The following PTPRM variants were observed in gnomAD, a reference collection of about 807,000 sequenced individuals.
PTPRM encodes the protein protein tyrosine phosphatase receptor type M, also known as receptor-type tyrosine-protein phosphatase mu.
In PTPRM, 47 loss-of-function variants were observed where a neutral mutation model predicts 186.7. The ratio of observed to expected loss-of-function variants is 0.25; its 90% CI spans 0.20 to 0.32. The LOEUF (loss-of-function observed/expected upper bound fraction) is 0.32. PTPRM is among the 10% of genes least tolerant of loss of function. PTPRM has a pLI of 1.00. For missense variants in PTPRM, 1,494 were observed against 1,865.0 expected, an observed-to-expected ratio of 0.80 and a Z score of 3.66; for synonymous variants, 668 against 674.9, an observed-to-expected ratio of 0.99 and a Z score of 0.16.
chr18:7,704,876 A>G (rs1195783014), intron 1 of PTPRM, among the ~76,000 whole-genome samples: 1 of 152,180 alleles, frequency 6.6e-6, no homozygotes, highest in East Asian at 1.9e-4. Flanking sequence ...ACATAGAACA[A>G]CTTCACACTT....
intron 1 of PTPRM, among the ~76,000 whole-genome samples, chr18:7,705,334 TCTAG>T (rs1280387242): frequency 1.8e-4 from 27 of 151,234 alleles, no homozygotes; most frequent in Non-Finnish European, 3.0e-4. Flanking sequence ...TATCTGTCTA[TCTAG>T]CTAGCTAGCT....
chr18:8,112,458 G>T (rs2091798144), intron 11 of PTPRM, among the ~76,000 whole-genome samples: 1 of 152,156 alleles, frequency 6.6e-6, no homozygotes, highest in South Asian at 2.1e-4. Context: ...CTTGTACTGG[G>T]CAGCTCTTGG....
chr18:8,396,432 T>C (rs1238490794), intron 32 of PTPRM, among the ~76,000 whole-genome samples: 1 of 152,160 alleles, frequency 6.6e-6, no homozygotes, highest in Non-Finnish European at 1.5e-5. Context: ...AACAGACCCT[T>C]CCAGGCCTTT....
At position 8,285,578 on chromosome 18, in the gene PTPRM, G is replaced by A. The variant is rs544182179; in HGVS notation, c.2755-10790G>A. ...GGTTTGAGGCAAGCGTTCTCTCTCA[G>A]CCAAAGAAGGGCCTGGCCTCAGGCT... On this transcript the variant is annotated intron_variant, in intron 19 of 32. Coordinates refer to ENST00000580170, the MANE Select transcript of PTPRM (RefSeq NM_001105244.2). 1.5e-4 allele frequency among the ~76,000 whole-genome samples: 23 copies of A among 152,344 alleles called. 1 individual carries two copies. The South Asian group carries it at 4.8e-3, about 32-fold the overall frequency.
At chr18:7,667,940 AT>A (rs1009274660) in intron 1 of PTPRM, among the ~76,000 whole-genome samples, 27 of 150,214 alleles carry the variant, frequency 1.8e-4, no homozygotes, top group South Asian at 4.2e-4. Context: ...TATACTGATC[AT>A]TTTTTTTTTC....
chr18:8,317,659 A>G (rs2095318738), intron 21 of PTPRM, among the ~76,000 whole-genome samples: 1 of 152,166 alleles, frequency 6.6e-6, no homozygotes, highest in Non-Finnish European at 1.5e-5. Flanking sequence ...GGAGGTAGGT[A>G]GGAAGAAAAC....
Position 8,319,189 on chromosome 18 carries a change from A to G in PTPRM, c.2931A>G (p.Arg977=), listed in dbSNP as rs1463542154. Residue 977 remains arginine (R), a synonymous_variant, in exon 22 of 33, where the codon CGA becomes CGG. Transcript: ENST00000580170. ...TTATTTATTTTTAGGGTTATCATCG[A>G]CCCAATCATTACATTGCTACCCAAG... The part of the protein sequence containing the change: ...INGNYIDGYH[R]PNHYIATQGP... 1.3e-6 allele frequency: 2 copies of G among 1,557,602 alleles called. No homozygotes were observed. The highest frequency in any genetic ancestry group is 4.5e-5 in the East Asian group (2 of 44,282).
chr18:8,124,445 C>T (rs1028146136), intron 13 of PTPRM, among the ~76,000 whole-genome samples: 5 of 152,146 alleles, frequency 3.3e-5, no homozygotes, highest in Non-Finnish European at 7.4e-5. Flanking sequence ...ATTTATTTGA[C>T]ATTTATTGAG....
intron 14 of PTPRM, among the ~76,000 whole-genome samples, chr18:8,240,499 G>GGAAGGGAGGA (rs1319637749): frequency 7.4e-5 from 1 of 13,550 alleles, no homozygotes; most frequent in Admixed American, 9.6e-4. Flanking sequence ...GAGAGAGAGA[G>GGAAGGGAGGA]AGGAAGGAAG....
At chr18:7,674,803 A>C (rs2039297733) in intron 1 of PTPRM, among the ~76,000 whole-genome samples, 1 of 152,234 alleles carries the variant, frequency 6.6e-6, no homozygotes, top group Non-Finnish European at 1.5e-5. Context: ...GCATTCTGTT[A>C]AATCCTGTCT....
chr18:7,579,808 T>C (rs2036795311), intron 1 of PTPRM, among the ~76,000 whole-genome samples: 2 of 152,222 alleles, frequency 1.3e-5, no homozygotes, highest in African/African-American at 4.8e-5. Flanking sequence ...CTTAGTCCTT[T>C]ACTTCATGTT....
intron 1 of PTPRM, among the ~76,000 whole-genome samples, chr18:7,749,848 G>C (rs2041128157): frequency 6.6e-6 from 1 of 152,196 alleles, no homozygotes; most frequent in South Asian, 2.1e-4. Flanking sequence ...TTTAAGTGGA[G>C]TTATCTGCCT....
chr18:8,319,605 G>A (rs2095333026), intron 22 of PTPRM, among the ~76,000 whole-genome samples: 1 of 152,240 alleles, frequency 6.6e-6, no homozygotes, highest in Admixed American at 6.5e-5. Context: ...CACAGTGGTT[G>A]TGTTTAGTGG....
chr18:8,025,265 A>G (rs2085499434), intron 7 of PTPRM, among the ~76,000 whole-genome samples: 1 of 152,174 alleles, frequency 6.6e-6, no homozygotes, highest in Non-Finnish European at 1.5e-5. Flanking sequence ...ACTTTGGTCT[A>G]CATGTTTGAA....
chr18:7,736,051 A>G (rs550229687), intron 1 of PTPRM, among the ~76,000 whole-genome samples: 4 of 152,230 alleles, frequency 2.6e-5, no homozygotes, highest in African/African-American at 4.8e-5. Context: ...CCTCAGGCAT[A>G]TGTTCTCAGG....
At chr18:7,687,838 T>C (rs972918786) in intron 1 of PTPRM, among the ~76,000 whole-genome samples, 13 of 150,972 alleles carry the variant, frequency 8.6e-5, no homozygotes, top group African/African-American at 3.2e-4. Flanking sequence ...AGTGCAGTGG[T>C]GCAATCTCGG....
chr18:7,928,709 A>G (rs1289926154), intron 5 of PTPRM, among the ~76,000 whole-genome samples: 5 of 152,230 alleles, frequency 3.3e-5, no homozygotes, highest in African/African-American at 2.4e-5. Context: ...TATAAATACT[A>G]TATTAAGTCT....
At chr18:7,779,128 C>T (rs993256856) in intron 2 of PTPRM, among the ~76,000 whole-genome samples, 6 of 152,162 alleles carry the variant, frequency 3.9e-5, no homozygotes, top group African/African-American at 1.4e-4. Context: ...AACTTATAAT[C>T]ATAGCTATAA....
intron 7 of PTPRM, among the ~76,000 whole-genome samples, chr18:8,032,836 T>C (rs1161356646): frequency 3.3e-5 from 5 of 152,058 alleles, no homozygotes; most frequent in African/African-American, 1.2e-4. Context: ...AGCAGAGTTA[T>C]CATTTGGAAA....
Sources: gnomAD v4.1 joint callset for allele counts (sites outside exome capture counted in the v4.1 genomes callset) on GRCh38, gnomAD v4.1.1 for gene constraint, MANE v1.5 for transcripts, NCBI Gene and HGNC (gene_info 2026-07-23, HGNC 2026-07-21) for gene names.